SPMIP8: variants seen among roughly 807,000 people sequenced by gnomAD.
SPMIP8 encodes sperm microtubule inner protein 8, also known as testicular tissue protein Li 196.
the SPMIP8 span, chr16:57,986,009 G>A: frequency 6.5e-7 from 1 of 1,527,648 alleles, no homozygotes. Context: ...GGACAGCCTC[G>A]GGGCTCCCTG....
At chr16:57,978,248 G>C in the SPMIP8 span, among the ~76,000 whole-genome samples, 1 of 152,146 alleles carries the variant, frequency 6.6e-6, no homozygotes, top group Non-Finnish European at 1.5e-5. Context: ...GGGTTAGAAG[G>C]AGATAAGGCA....
At chr16:57,985,821 G>C in the SPMIP8 span, 1 of 1,492,726 alleles carries the variant, frequency 6.7e-7, no homozygotes, top group East Asian at 2.4e-5. Context: ...GGATGGCGGG[G>C]AGAGGGGGTG....
At chr16:57,984,632 T>G in the SPMIP8 span, 6 of 1,573,104 alleles carry the variant, frequency 3.8e-6, no homozygotes, top group Non-Finnish European at 5.2e-6. Context: ...CGTGGCCCTG[T>G]CAGGACATCA....
the SPMIP8 span, among the ~76,000 whole-genome samples, chr16:57,977,026 G>A: frequency 6.6e-6 from 1 of 152,140 alleles, no homozygotes; most frequent in African/African-American, 2.4e-5. Flanking sequence ...TAAATAGCTA[G>A]GGCAAGTCCA....
At chr16:57,980,890 T>C in the SPMIP8 span, among the ~76,000 whole-genome samples, 6 of 152,098 alleles carry the variant, frequency 3.9e-5, no homozygotes, top group Admixed American at 6.5e-5. Flanking sequence ...TGTTTGTTTG[T>C]TTTGTGTGGA....
At chr16:57,982,709 A>G in the SPMIP8 span, among the ~76,000 whole-genome samples, 1 of 152,166 alleles carries the variant, frequency 6.6e-6, no homozygotes, top group East Asian at 1.9e-4. Context: ...TCTGTTTCCA[A>G]CAGTCTATGT....
At chr16:57,981,119 G>A in the SPMIP8 span, among the ~76,000 whole-genome samples, 5 of 152,068 alleles carry the variant, frequency 3.3e-5, no homozygotes, top group African/African-American at 7.2e-5. Context: ...GGCGGTTCAC[G>A]CCTGTAATTC....
At chr16:57,985,109 T>TG in the SPMIP8 span, 1 of 1,059,096 alleles carries the variant, frequency 9.4e-7, no homozygotes, top group Non-Finnish European at 1.2e-6. Context: ...GGCTGGATTG[T>TG]GGGCGGGGCT....
At chr16:57,981,434 A>T in the SPMIP8 span, among the ~76,000 whole-genome samples, 608 of 142,016 alleles carry the variant, frequency 4.3e-3, 4 homozygotes, top group Middle Eastern at 0.015. Flanking sequence ...TTATTATTAT[A>T]ATTTGGTATC....
At chr16:57,981,499 CTCTTTTTTTTTTTT>C in the SPMIP8 span, among the ~76,000 whole-genome samples, 15 of 106,256 alleles carry the variant, frequency 1.4e-4, no homozygotes, top group Middle Eastern at 5.4e-3. Flanking sequence ...CTCTCTCTTT[CTCTTTTTTTTTTTT>C]TTTTTTTTTT....
the SPMIP8 span, chr16:57,977,722 A>T: frequency 7.4e-7 from 1 of 1,356,286 alleles, no homozygotes; most frequent in Non-Finnish European, 1.0e-6. Flanking sequence ...TGGCAAGTAG[A>T]CATCGGCACT....
chr16:57,978,034 G>T, the SPMIP8 span: 2 of 1,612,920 alleles, frequency 1.2e-6, no homozygotes, highest in Admixed American at 1.7e-5. Flanking sequence ...ACCTACTGCC[G>T]CAAAGGTTAG....
At chr16:57,985,284 G>A in the SPMIP8 span, 3 of 1,559,166 alleles carry the variant, frequency 1.9e-6, no homozygotes, top group African/African-American at 2.7e-5. Flanking sequence ...AGCGCTGCGC[G>A]CAGACCCGTC....
chr16:57,981,967 A>T, the SPMIP8 span, among the ~76,000 whole-genome samples: 5 of 152,212 alleles, frequency 3.3e-5, no homozygotes, highest in Non-Finnish European at 7.3e-5. Context: ...GGGTCCGCTC[A>T]GTCAATACAT....
At chr16:57,978,580 T>C in the SPMIP8 span, among the ~76,000 whole-genome samples, 1 of 151,816 alleles carries the variant, frequency 6.6e-6, no homozygotes, top group East Asian at 1.9e-4. Flanking sequence ...GCACATAATA[T>C]GTGCTCAAAA....
the SPMIP8 span, chr16:57,985,369 G>A: frequency 6.3e-7 from 1 of 1,592,932 alleles, no homozygotes; most frequent in Non-Finnish European, 8.6e-7. Flanking sequence ...CCCAGAGCAG[G>A]GCCTCCCAGT....
chr16:57,987,652 G>A, the SPMIP8 span: 540 of 446,298 alleles, frequency 1.2e-3, 7 homozygotes, highest in East Asian at 0.017. Flanking sequence ...ACCCTTGCCC[G>A]TCCCCGGCCA....
the SPMIP8 span, among the ~76,000 whole-genome samples, chr16:57,979,665 C>A: frequency 2.6e-5 from 4 of 151,928 alleles, no homozygotes; most frequent in African/African-American, 9.7e-5. Flanking sequence ...AACCACCCCC[C>A]CACCACATTC....
At chr16:57,979,986 C>T in the SPMIP8 span, among the ~76,000 whole-genome samples, 1 of 152,172 alleles carries the variant, frequency 6.6e-6, no homozygotes, top group Admixed American at 6.5e-5. Context: ...ATCACCTGAA[C>T]CCGGGAGGCG....
Sources: allele counts gnomAD v4.1 joint callset (sites outside exome capture counted in the v4.1 genomes callset), GRCh38; gene constraint gnomAD v4.1.1; transcripts MANE v1.5; gene names NCBI Gene and HGNC (gene_info 2026-07-23, HGNC 2026-07-21).